The following ATP9A variants were observed in gnomAD, a reference collection of about 807,000 sequenced individuals.
ATP9A encodes probable phospholipid-transporting ATPase IIA.
Under a neutral mutation model 144.1 loss-of-function variants are expected in ATP9A, and 52 were observed. The observed-to-expected ratio is 0.36, with a 90% CI of 0.29 to 0.45. ATP9A has a LOEUF of 0.45. Ranked by LOEUF, ATP9A falls within the 20% of genes least tolerant of loss-of-function variation. The probability of loss-of-function intolerance (pLI) is 1.00; values close to 1 mark genes in which losing one functional copy is unlikely to be tolerated. For missense variants in ATP9A, 947 were observed against 1,392.7 expected (o/e 0.68, Z 5.09); for synonymous variants, 582 against 557.4 (o/e 1.04, Z -0.62).
At chr20:51,689,182 C>T in intron 8 of ATP9A, 43 bp from the exon 9 acceptor site, 1 of 1,585,352 alleles carries the variant, frequency 6.3e-7, no homozygotes, top group Non-Finnish European at 8.7e-7. Flanking sequence ...CCCAAAGCTT[C>T]CCCAGAATCC....
intron 15 of ATP9A, among the ~76,000 whole-genome samples, chr20:51,634,646 G>A (rs6021334): frequency 0.02 from 3,108 of 151,826 alleles, 106 homozygotes; most frequent in African/African-American, 0.071. Flanking sequence ...ACCTGAGGTC[G>A]GGAGTTCGAG....
At chr20:51,737,614 A>T (rs1357293015) in intron 1 of ATP9A, among the ~76,000 whole-genome samples, 1 of 152,226 alleles carries the variant, frequency 6.6e-6, no homozygotes, top group African/African-American at 2.4e-5. Flanking sequence ...GGAGTGAAAA[A>T]AGAGAATTGT....
At chr20:51,722,566 C>T (rs2077694277) in intron 3 of ATP9A, among the ~76,000 whole-genome samples, 1 of 152,278 alleles carries the variant, frequency 6.6e-6, no homozygotes, top group Non-Finnish European at 1.5e-5. Flanking sequence ...AGAAGATACA[C>T]AAATGGCCAA....
intron 20 of ATP9A, 29 bp from the exon 21 acceptor site, chr20:51,618,835 T>C: frequency 6.3e-7 from 1 of 1,577,758 alleles, no homozygotes; most frequent in Non-Finnish European, 8.6e-7. Context: ...GGTGGTGCGT[T>C]GGTGGAGGGA....
At chr20:51,647,161 A>G (rs530332482) in intron 14 of ATP9A, among the ~76,000 whole-genome samples, 1 of 152,212 alleles carries the variant, frequency 6.6e-6, no homozygotes, top group South Asian at 2.1e-4. Context: ...AATGTCTTGT[A>G]CTTGAAATTG....
At chr20:51,623,948 CTG>C (rs2077237379) in intron 18 of ATP9A, among the ~76,000 whole-genome samples, 2 of 152,158 alleles carry the variant, frequency 1.3e-5, no homozygotes, top group Non-Finnish European at 2.9e-5. Context: ...CATGCACACT[CTG>C]TGAATAAAAT....
intron 14 of ATP9A, among the ~76,000 whole-genome samples, chr20:51,649,215 C>A (rs889734143): frequency 1.3e-5 from 2 of 152,102 alleles, no homozygotes; most frequent in African/African-American, 4.8e-5. Context: ...CCTGAGTCTC[C>A]CACACACAGG....
At chr20:51,700,522 A>G (rs1039061282) in intron 4 of ATP9A, among the ~76,000 whole-genome samples, 3 of 152,110 alleles carry the variant, frequency 2.0e-5, no homozygotes, top group African/African-American at 7.2e-5. Flanking sequence ...ACCCTGCCTC[A>G]AAAAAGAGAG....
intron 2 of ATP9A, among the ~76,000 whole-genome samples, chr20:51,726,858 C>T (rs2077715779): frequency 6.7e-6 from 1 of 150,054 alleles, no homozygotes; most frequent in Non-Finnish European, 1.5e-5. Flanking sequence ...GGATTACAGA[C>T]CTAAGCCACT....
chr20:51,621,905 G>A (rs543925752), intron 19 of ATP9A, among the ~76,000 whole-genome samples, 169 bp downstream of exon 19: 5 of 152,190 alleles, frequency 3.3e-5, no homozygotes, highest in South Asian at 4.2e-4. Context: ...CTCTCCAGCC[G>A]GCGCCTGGGT....
chr20:51,688,523 C>T (rs919907871), intron 9 of ATP9A, among the ~76,000 whole-genome samples: 3 of 151,626 alleles, frequency 2.0e-5, no homozygotes, highest in Non-Finnish European at 2.9e-5. Flanking sequence ...ACCCGGGGGG[C>T]GGAGGTTACA....
chr20:51,650,619 C>G (rs1350351030), intron 14 of ATP9A, among the ~76,000 whole-genome samples: 1 of 151,976 alleles, frequency 6.6e-6, no homozygotes, highest in Non-Finnish European at 1.5e-5. Context: ...ATTATCTCTG[C>G]AAGTATACTC....
chr20:51,716,490 G>A (rs373249781), intron 3 of ATP9A, among the ~76,000 whole-genome samples: 22 of 137,800 alleles, frequency 1.6e-4, no homozygotes, highest in Admixed American at 2.2e-4. Context: ...ACCTGAAACA[G>A]AAAAAAAAAA....
chr20:51,724,696 C>T (rs2077704806), intron 3 of ATP9A, among the ~76,000 whole-genome samples: 1 of 152,174 alleles, frequency 6.6e-6, no homozygotes, highest in African/African-American at 2.4e-5. Flanking sequence ...CAGAACCCAG[C>T]ACAGGGCCTG....
In ATP9A at chr20:51,598,690, T is replaced by C. The variant is rs1028762289; in HGVS notation, c.*2521A>G. ...CTCTGCTGGGCTTACAGTCTGATTGTGCAGGTAAAGATCGTGTCCTCTCAC... is the reference window on the plus strand; with the variant it reads ...CTCTGCTGGGCTTACAGTCTGATTGCGCAGGTAAAGATCGTGTCCTCTCAC... On this transcript the variant is annotated 3_prime_UTR_variant, in exon 28 of 28. Transcript: ENST00000338821. 4 of 151,880 alleles carry C rather than the reference T, an allele frequency of 2.6e-5. No homozygotes were observed. The highest frequency in any genetic ancestry group is 6.6e-5 in the Admixed American group (1 of 15,248). 9.4% of individuals were successfully genotyped at this position (151,880 alleles called of 1,614,324 possible). A position where few individuals can be genotyped will look rare whatever the true frequency, so the allele number is the denominator to read the frequency against.
chr20:51,727,337 G>C (rs1002250439), intron 2 of ATP9A, among the ~76,000 whole-genome samples: 6 of 151,588 alleles, frequency 4.0e-5, no homozygotes, highest in Non-Finnish European at 8.8e-5. Context: ...TGTAATCCCA[G>C]CACTTTGGGA....
At position 51,596,654 on chromosome 20, in the gene ATP9A, AAG is replaced by A. The variant is rs778330966; in HGVS notation, c.*4555_*4556del. 2.0e-5 allele frequency: 3 copies of A among 152,092 alleles called. No homozygotes were observed. Among genetic ancestry groups the A allele is most frequent in the Non-Finnish European group, 4.4e-5 (3 of 68,020 alleles). The allele number at this position is 152,092 out of a possible 1,614,324, so 9.4% of individuals were successfully genotyped here. A position where few individuals can be genotyped will look rare whatever the true frequency, so the allele number is the denominator to read the frequency against. On this transcript the variant is annotated 3_prime_UTR_variant, in exon 28 of 28. Transcript: ENST00000338821. ...AATCAAAATAATTTTCTGAACTGGAAAGAGTTTTCTTTACATTTCATGTACCA... is the reference window on the plus strand; with the variant it reads ...AATCAAAATAATTTTCTGAACTGGAAAGTTTTCTTTACATTTCATGTACCA...
At chr20:51,673,870 T>C (rs1425517436) in intron 11 of ATP9A, among the ~76,000 whole-genome samples, 3 of 151,854 alleles carry the variant, frequency 2.0e-5, no homozygotes, top group African/African-American at 7.3e-5. Flanking sequence ...GCAAACATGG[T>C]GAAACCCCAT....
chr20:51,748,566 G>A (rs1416817165), intron 1 of ATP9A, among the ~76,000 whole-genome samples: 5 of 151,512 alleles, frequency 3.3e-5, no homozygotes, highest in South Asian at 2.1e-4. Flanking sequence ...TTTTTTTTAC[G>A]ACCAAAGTCA....
Sources: allele counts gnomAD v4.1 joint callset (sites outside exome capture counted in the v4.1 genomes callset), GRCh38; gene constraint gnomAD v4.1.1; transcripts MANE v1.5; gene names NCBI Gene and HGNC (gene_info 2026-07-23, HGNC 2026-07-21).